ZFAT: variants seen among roughly 807,000 people sequenced by gnomAD.
ZFAT encodes zinc finger protein ZFAT.
ZFAT carries 64 observed loss-of-function variants against 117.7 expected under a neutral mutation model. The ratio of observed to expected loss-of-function variants is 0.54; its 90% CI spans 0.44 to 0.67. ZFAT has a LOEUF of 0.67. Ranked by LOEUF, ZFAT falls within the 30% of genes least tolerant of loss-of-function variation. The probability of loss-of-function intolerance (pLI) is 0.00; values close to 1 mark genes in which losing one functional copy is unlikely to be tolerated. For missense variants in ZFAT, 1,433 were observed against 1,584.5 expected, an observed-to-expected ratio of 0.90 and a Z score of 1.62; for synonymous variants, 679 against 615.0, an observed-to-expected ratio of 1.10 and a Z score of -1.54.
At chr8:134,724,604 CT>C in the ZFAT span, among the ~76,000 whole-genome samples, 2 of 151,880 alleles carry the variant, frequency 1.3e-5, no homozygotes, top group African/African-American at 4.8e-5. Context: ...AGCAGCCCTG[CT>C]GGTAGGTGGC....
intron 11 of ZFAT, among the ~76,000 whole-genome samples, chr8:134,554,803 G>C (rs1372662): frequency 0.35 from 52,491 of 152,076 alleles, 9,366 homozygotes; most frequent in East Asian, 0.67. Context: ...AACACAACAT[G>C]ATTTCTGGAA....
chr8:134,770,789 T>C, the ZFAT span, among the ~76,000 whole-genome samples: 59 of 152,342 alleles, frequency 3.9e-4, 1 homozygote, highest in African/African-American at 1.4e-3. Flanking sequence ...AATGTGCACC[T>C]GCGGGTAGGT....
intron 15 of ZFAT, among the ~76,000 whole-genome samples, chr8:134,503,919 CACACACACACACACGCACACGCACACGA>C (rs779952694): frequency 6.7e-6 from 1 of 149,576 alleles, no homozygotes; most frequent in Non-Finnish European, 1.5e-5. Context: ...AACACAAACA[CACACACACACACACGCACACGCACACGA>C]ACACACACAC....
the ZFAT span, among the ~76,000 whole-genome samples, chr8:134,782,944 A>G: frequency 6.6e-6 from 1 of 152,226 alleles, no homozygotes; most frequent in South Asian, 2.1e-4. Flanking sequence ...GTTTGCGGAC[A>G]TCCTCAAACT....
the ZFAT span, chr8:134,784,072 G>A: frequency 3.3e-5 from 5 of 152,216 alleles, no homozygotes; most frequent in East Asian, 9.6e-4. Flanking sequence ...GGTAAACAAA[G>A]GCCTTGCATC....
chr8:134,777,250 G>A, the ZFAT span, among the ~76,000 whole-genome samples: 2 of 152,198 alleles, frequency 1.3e-5, no homozygotes, highest in African/African-American at 4.8e-5. Flanking sequence ...ATAGAGATTA[G>A]TGAAGAGGGA....
At chr8:134,601,398 A>C in intron 6 of ZFAT, 79 bp downstream of exon 6, 38 of 1,498,046 alleles carry the variant, frequency 2.5e-5, no homozygotes, top group Non-Finnish European at 3.2e-5. Context: ...GCAAACAGAC[A>C]TGAGCTCAAA....
intron 9 of ZFAT, among the ~76,000 whole-genome samples, chr8:134,587,722 A>T (rs1189594310): frequency 6.6e-6 from 1 of 152,176 alleles, no homozygotes; most frequent in Non-Finnish European, 1.5e-5. Flanking sequence ...ACAGGCAAGC[A>T]ACCCAAAAGC....
rs530007740 is a variant in ZFAT, at chr8:134,712,981, G to A, written c.-118C>T. Reference sequence around the variant, plus strand: ...TCGCTTTTTATTTTTATTTTTTTAAGAAAAGAGCCGGCGAGGTTATGGCGA... The same window carrying A: ...TCGCTTTTTATTTTTATTTTTTTAAAAAAAGAGCCGGCGAGGTTATGGCGA... On this transcript the variant is annotated 5_prime_UTR_variant, in exon 1 of 16. Transcript: ENST00000377838. 2.8e-4 allele frequency: 349 copies of A among 1,231,630 alleles called. 3 individuals are homozygous for A. In the African/African-American group the frequency reaches 3.3e-3, roughly 12 times the overall value. 76.3% of individuals were successfully genotyped at this position (1,231,630 alleles called of 1,614,324 possible).
At chr8:134,640,543 T>C (rs1830523059) in intron 2 of ZFAT, among the ~76,000 whole-genome samples, 1 of 152,242 alleles carries the variant, frequency 6.6e-6, no homozygotes, top group Non-Finnish European at 1.5e-5. Flanking sequence ...GCAGAGTCCC[T>C]GTCCTGATTA....
In ZFAT at chr8:134,489,802, G is replaced by C. The variant is rs1284969965; in HGVS notation, c.3493-11081C>G. Among the ~76,000 whole-genome samples the C allele has an allele frequency of 2.2e-4, 34 of 152,174 alleles. 1 individual carries two copies. The highest frequency in any genetic ancestry group is 2.2e-3 in the Admixed American group (34 of 15,284). On this transcript the variant is annotated intron_variant, in intron 15 of 15. Transcript: ENST00000377838. ...CATATTTCCTACTAGACATATCCAT[G>C]TGGGTGTCAAATAGTCATTTCCAAG...
chr8:134,666,341 G>T (rs368994240), intron 1 of ZFAT, among the ~76,000 whole-genome samples: 10 of 152,172 alleles, frequency 6.6e-5, no homozygotes, highest in East Asian at 1.9e-4. Context: ...TGCTAAAACC[G>T]AAGATTTAAA....
At chr8:134,799,894 T>C in the ZFAT span, among the ~76,000 whole-genome samples, 2 of 152,240 alleles carry the variant, frequency 1.3e-5, no homozygotes, top group Non-Finnish European at 2.9e-5. Flanking sequence ...CTAGCATTTA[T>C]TGAGTACTTA....
At chr8:134,797,779 G>C in the ZFAT span, 1 of 151,650 alleles carries the variant, frequency 6.6e-6, no homozygotes, top group Non-Finnish European at 1.5e-5. Context: ...AATTCTAAAT[G>C]TGAAATTGTT....
intron 3 of ZFAT, among the ~76,000 whole-genome samples, chr8:134,616,841 C>G (rs1828778863): frequency 6.6e-6 from 1 of 152,116 alleles, no homozygotes; most frequent in African/African-American, 2.4e-5. Flanking sequence ...ACAACTTAAC[C>G]ACTTGCAAAG....
chr8:134,489,315 T>C (rs939946955), intron 15 of ZFAT, among the ~76,000 whole-genome samples: 1 of 151,990 alleles, frequency 6.6e-6, no homozygotes, highest in Non-Finnish European at 1.5e-5. Flanking sequence ...GGAGCCTCTA[T>C]GGTCTATCTG....
Position 134,588,216 on chromosome 8 carries a change from G to A in ZFAT, c.2713+30C>T, listed in dbSNP as rs902646096. On this transcript the variant is annotated intron_variant, in intron 9 of 15. Coordinates refer to ENST00000377838, the MANE Select transcript of ZFAT (RefSeq NM_020863.4). Reference sequence around the variant, plus strand: ...AAGGATGGAAGCACAAAATTAGAAAGGTGCCCAATTTGGAAAGATGAATAC... The same window carrying A: ...AAGGATGGAAGCACAAAATTAGAAAAGTGCCCAATTTGGAAAGATGAATAC... The A allele has an allele frequency of 1.1e-5, 17 of 1,524,570 alleles. No homozygotes were observed. In the African/African-American group the frequency reaches 2.0e-4, roughly 18 times the overall value. 94.4% of individuals were successfully genotyped at this position (1,524,570 alleles called of 1,614,324 possible).
At chr8:134,749,699 G>T in the ZFAT span, among the ~76,000 whole-genome samples, 3 of 152,112 alleles carry the variant, frequency 2.0e-5, no homozygotes, top group African/African-American at 7.2e-5. Flanking sequence ...TTTCCAATAT[G>T]AACAATTTCC....
intron 1 of ZFAT, among the ~76,000 whole-genome samples, chr8:134,683,797 A>G (rs1288630000): frequency 6.6e-6 from 1 of 152,178 alleles, no homozygotes. Flanking sequence ...TGGGGCACTT[A>G]GAAAGCCTGC....
Sources: allele counts gnomAD v4.1 joint callset (sites outside exome capture counted in the v4.1 genomes callset), GRCh38; gene constraint gnomAD v4.1.1; transcripts MANE v1.5; gene names NCBI Gene and HGNC (gene_info 2026-07-23, HGNC 2026-07-21).